The following FNBP4 variants were observed in gnomAD, a reference collection of about 807,000 sequenced individuals.
FNBP4 encodes formin binding protein 4.
Under a neutral mutation model 119.3 loss-of-function variants are expected in FNBP4, and 34 were observed. That is an observed-to-expected ratio of 0.28 (90% CI 0.22 to 0.38). FNBP4 has a LOEUF of 0.38. Ranked by LOEUF, FNBP4 falls within the 10% of genes least tolerant of loss-of-function variation. The pLI is 1.00. For missense variants in FNBP4, 1,112 were observed against 1,228.9 expected, an observed-to-expected ratio of 0.90 and a Z score of 1.42; for synonymous variants, 462 against 430.6, an observed-to-expected ratio of 1.07 and a Z score of -0.90.
chr11:47,728,099 C>T (rs1488330014), intron 12 of FNBP4, among the ~76,000 whole-genome samples: 6 of 152,028 alleles, frequency 3.9e-5, no homozygotes, highest in Non-Finnish European at 1.5e-5. Context: ...TGCTCTTGAA[C>T]TCCCGACCTC....
At chr11:47,739,555 TAC>T (rs1007655698) in intron 8 of FNBP4, among the ~76,000 whole-genome samples, 4 of 152,198 alleles carry the variant, frequency 2.6e-5, no homozygotes, top group African/African-American at 9.7e-5. Flanking sequence ...AACTAGAATG[TAC>T]ATAAAATATA....
At chr11:47,738,978 TAC>T (rs1176357196) in intron 8 of FNBP4, among the ~76,000 whole-genome samples, 1 of 150,784 alleles carries the variant, frequency 6.6e-6, no homozygotes. Context: ...CCGCTGGGAT[TAC>T]AGATGTGAGG....
intron 6 of FNBP4, among the ~76,000 whole-genome samples, chr11:47,750,305 C>T (rs2097599447): frequency 7.4e-6 from 1 of 135,134 alleles, no homozygotes; most frequent in South Asian, 2.4e-4. Context: ...CTTCTTGAGC[C>T]TGGGAGGCAG....
In FNBP4 at chr11:47,724,512, T is replaced by TATC; in HGVS notation, c.2272_2274dup (p.Asp758dup). ...GTTTGTGCTGAAGGTTTCAAAGGGG[T>TATC]ATCTTCCTCTGTTCCTGGGGCAGGG... On this transcript the variant is annotated inframe_insertion, in exon 13 of 17. Transcript: ENST00000263773. The TATC allele has an allele frequency of 6.2e-7, 1 of 1,614,200 alleles. No homozygotes were observed. Among genetic ancestry groups the TATC allele is most frequent in the South Asian group, 1.1e-5 (1 of 91,084 alleles).
At chr11:47,754,821 T>C (rs1328884152) in intron 2 of FNBP4, among the ~76,000 whole-genome samples, 157 bp from the exon 3 acceptor site, 1 of 152,020 alleles carries the variant, frequency 6.6e-6, no homozygotes, top group Non-Finnish European at 1.5e-5. Flanking sequence ...GAAGAATAAA[T>C]TACATCGTAT....
At chr11:47,718,415 TGTTG>T (rs1304686560) in intron 16 of FNBP4, among the ~76,000 whole-genome samples, 3 of 152,056 alleles carry the variant, frequency 2.0e-5, no homozygotes, top group African/African-American at 7.2e-5. Context: ...GTTTTCACTA[TGTTG>T]GCCAGGCTGG....
In FNBP4 at chr11:47,757,327, G is replaced by A. The variant is rs573784438; in HGVS notation, c.314-2663C>T. The stretch of plus-strand genomic sequence containing the variant: ...CCTCTCAGGTTCACGCCATTCTCCT[G>A]CCTCAGCCTCCTGAGTAGCTGGGAC... On this transcript the variant is annotated intron_variant, in intron 2 of 16. Transcript: ENST00000263773. Among the ~76,000 whole-genome samples, 30 of 152,268 alleles carry A rather than the reference G, an allele frequency of 2.0e-4. No individual in the cohort carries two copies. The East Asian group carries it at 5.6e-3, about 28-fold the overall frequency.
At chr11:47,736,504 G>A in intron 9 of FNBP4, 112 bp downstream of exon 9, 1 of 804,990 alleles carries the variant, frequency 1.2e-6, no homozygotes, top group Non-Finnish European at 1.9e-6. Context: ...AGGTTGCAGT[G>A]AGCTGAGATC....
intron 2 of FNBP4, among the ~76,000 whole-genome samples, chr11:47,756,226 A>T (rs1229391216): frequency 6.6e-6 from 1 of 152,160 alleles, no homozygotes; most frequent in Non-Finnish European, 1.5e-5. Flanking sequence ...CAAGATTACA[A>T]TTAACAATAT....
At chr11:47,734,937 C>T (rs535483581) in intron 9 of FNBP4, among the ~76,000 whole-genome samples, 3 of 149,584 alleles carry the variant, frequency 2.0e-5, no homozygotes, top group Non-Finnish European at 3.0e-5. Flanking sequence ...TGTGCCACTG[C>T]AATCCAGCCT....
intron 2 of FNBP4, among the ~76,000 whole-genome samples, chr11:47,762,828 G>A (rs958952955): frequency 8.9e-5 from 13 of 145,746 alleles, no homozygotes; most frequent in Non-Finnish European, 1.5e-4. Context: ...GAGAATCGCC[G>A]GAGCCCAGGA....
intron 8 of FNBP4, among the ~76,000 whole-genome samples, chr11:47,740,640 C>G (rs549934110): frequency 5.3e-5 from 8 of 151,298 alleles, no homozygotes; most frequent in Admixed American, 3.9e-4. Flanking sequence ...GTCGCTTAGG[C>G]TGAAGTGCAG....
Position 47,745,571 on chromosome 11 carries a change from A to G in FNBP4, c.1245+485T>C, listed in dbSNP as rs547488500. Among the ~76,000 whole-genome samples, 315 of 152,228 alleles carry G rather than the reference A, an allele frequency of 2.1e-3. 11 individuals are homozygous for G. The South Asian group carries it at 0.063, about 31-fold the overall frequency. ...TTTCTGTTGTTTAAGATGTTTATCAAGACAACATGTGCACCGCTGAACATA... is the reference window on the plus strand; with the variant it reads ...TTTCTGTTGTTTAAGATGTTTATCAGGACAACATGTGCACCGCTGAACATA... On this transcript the variant is annotated intron_variant, in intron 7 of 16. Coordinates refer to ENST00000263773, the MANE Select transcript of FNBP4 (RefSeq NM_015308.5).
chr11:47,753,072 C>T lies in FNBP4; in HGVS notation c.481G>A (p.Ala161Thr), dbSNP rs1354570359. Reference protein sequence around the residue: ...EIDAITAPQPAAPVGASAPPP... With the variant: ...EIDAITAPQPTAPVGASAPPP... ...GGAGCAGAAGCTCCTACAGGAGCTG[C>T]AGGCTGAGGAGCTGTTATGGCATCG... is the stretch of plus-strand genomic sequence containing the variant. Residue 161 changes from alanine to threonine, a missense_variant, in exon 4 of 17, where the codon GCA (alanine) becomes ACA (threonine). This residue lies in a region of FNBP4 where 286 missense variants were observed against 240.1 expected (regional missense o/e 1.19). Transcript: ENST00000263773. 2 of 1,613,346 alleles carry T rather than the reference C, an allele frequency of 1.2e-6. No homozygotes were observed. The highest frequency in any genetic ancestry group is 1.3e-5 in the African/African-American group (1 of 74,848).
At position 47,719,093 on chromosome 11, in the gene FNBP4, T is replaced by C. The variant is rs1007828484; in HGVS notation, c.2963+836A>G. Reference sequence around the variant, plus strand: ...TTAGTAGAGATGGGGTTTCACCATGTTGGCCAGGCTGGTCTCGAATTCCTG... The same window carrying C: ...TTAGTAGAGATGGGGTTTCACCATGCTGGCCAGGCTGGTCTCGAATTCCTG... On this transcript the variant is annotated intron_variant, in intron 16 of 16. Transcript: ENST00000263773. Among the ~76,000 whole-genome samples the C allele has an allele frequency of 5.3e-5, 8 of 152,234 alleles. No homozygotes were observed. The East Asian group carries it at 9.7e-4, about 18-fold the overall frequency.
rs769337975 is a variant in FNBP4, at chr11:47,723,226, T to C, written c.2555A>G (p.Gln852Arg). 6.2e-7 allele frequency: 1 copy of C among 1,614,210 alleles called. No individual in the cohort carries two copies. The highest frequency in any genetic ancestry group is 1.3e-5 in the African/African-American group (1 of 75,062). Residue 852 changes from glutamine (Q) to arginine (R), a missense_variant, in exon 15 of 17, where the codon CAG becomes CGG. Gln to Arg is a conservative substitution (Grantham distance 43, BLOSUM62 1). Coordinates refer to ENST00000263773, the MANE Select transcript of FNBP4 (RefSeq NM_015308.5). ...VSLPAAGMGH[Q>R]ARGMSLQSNY... ...TGACTGCAGGCTCATTCCTCTGGCC[T>C]GATGACCCATTCCTGCTGCTGGAAG... is the stretch of plus-strand genomic sequence containing the variant.
At chr11:47,761,055 C>CA (rs2135278495) in intron 2 of FNBP4, among the ~76,000 whole-genome samples, 1 of 152,094 alleles carries the variant, frequency 6.6e-6, no homozygotes, top group Non-Finnish European at 1.5e-5. Flanking sequence ...AGTGGACTGG[C>CA]AAAGCAAATC....
At chr11:47,760,495 A>G (rs532413915) in intron 2 of FNBP4, among the ~76,000 whole-genome samples, 7 of 150,302 alleles carry the variant, frequency 4.7e-5, no homozygotes, top group Non-Finnish European at 8.9e-5. Context: ...GCAGCAGCAC[A>G]ACCTTGGCTC....
At chr11:47,741,007 G>T (rs980048567) in intron 8 of FNBP4, among the ~76,000 whole-genome samples, 12 of 150,424 alleles carry the variant, frequency 8.0e-5, no homozygotes, top group Admixed American at 8.0e-4. Context: ...TCCTACCTCA[G>T]TCTCCCAAGT....
Sources: allele counts gnomAD v4.1 joint callset (sites outside exome capture counted in the v4.1 genomes callset), GRCh38; gene constraint gnomAD v4.1.1; regional missense constraint gnomAD v4.1.1; transcripts MANE v1.5; gene names NCBI Gene and HGNC (gene_info 2026-07-23, HGNC 2026-07-21).